The following PRKDC variants were observed in gnomAD, a reference collection of about 807,000 sequenced individuals.
The protein encoded by PRKDC is DNA-dependent protein kinase catalytic subunit.
PRKDC carries 82 observed loss-of-function variants against 486.9 expected under a neutral mutation model. The ratio of observed to expected loss-of-function variants is 0.17; its 90% CI spans 0.14 to 0.20. PRKDC has a LOEUF of 0.20. PRKDC is among the 10% of genes least tolerant of loss of function. PRKDC has a pLI of 1.00. For missense variants in PRKDC, 4,504 were observed against 5,038.2 expected (o/e 0.89, Z 3.21); for synonymous variants, 1,895 against 1,837.0 (o/e 1.03, Z -0.81).
Position 47,828,277 on chromosome 8 carries a change from A to C in PRKDC, c.8468T>G (p.Phe2823Cys). 2 of 1,611,176 alleles carry C rather than the reference A, an allele frequency of 1.2e-6. No homozygotes were observed. The highest frequency in any genetic ancestry group is 1.7e-6 in the Non-Finnish European group (2 of 1,178,662). ...FSGILKEMDK[F>C]KTLSEKNNIT... ...GTTGTTTTTTTCAGACAGTGTCTTA[A>C]ATTTATCCATCTCTTTCAAAATTCC... Residue 2823 changes from phenylalanine (F) to cysteine (C), a missense_variant, in exon 62 of 86, where the codon TTT (phenylalanine) becomes TGT (cysteine). By Grantham distance (205) the Phe-to-Cys change is radical. This residue lies in a region of PRKDC where 1,592 missense variants were observed against 1,724.6 expected (regional missense o/e 0.92). Transcript: ENST00000314191.
intron 22 of PRKDC, 100 bp from the exon 23 acceptor site, chr8:47,915,518 T>C (rs1393521595): frequency 1.2e-5 from 8 of 683,638 alleles, no homozygotes; most frequent in Non-Finnish European, 1.7e-5. Flanking sequence ...GGATGTCCAT[T>C]TCCTAGAACC....
intron 52 of PRKDC, among the ~76,000 whole-genome samples, 181 bp downstream of exon 52, chr8:47,852,492 C>G (rs2088431605): frequency 6.6e-6 from 1 of 152,156 alleles, no homozygotes; most frequent in Non-Finnish European, 1.5e-5. Flanking sequence ...ATCATGTGCC[C>G]TCTCTAAAAA....
chr8:47,934,038 C>G lies in PRKDC; in HGVS notation c.1550G>C (p.Gly517Ala). 6.2e-7 allele frequency: 1 copy of G among 1,613,786 alleles called. No homozygotes were observed. Among genetic ancestry groups the G allele is most frequent in the Non-Finnish European group, 8.5e-7 (1 of 1,179,782 alleles). ...TTTGTATGTGGGCACCTTCCATTTG[C>G]CAGTTCTGACTTCCCCTGAAGCACG... ...DHRASGEVRT[G>A]KWKVPTYKDY... The change falls in exon 15 of 86, where the codon GGC (glycine) becomes GCC (alanine). Residue 517 changes from glycine to alanine, a missense_variant. Physicochemically the swap from Gly to Ala is moderately conservative, Grantham distance 60. Transcript: ENST00000314191.
intron 26 of PRKDC, among the ~76,000 whole-genome samples, chr8:47,904,431 T>C (rs1326944817): frequency 6.6e-6 from 1 of 152,158 alleles, no homozygotes; most frequent in African/African-American, 2.4e-5. Context: ...TTTTTCTATT[T>C]TTAGTAGAGA....
intron 7 of PRKDC, among the ~76,000 whole-genome samples, chr8:47,949,839 G>A (rs1275639745): frequency 1.3e-5 from 2 of 152,154 alleles, no homozygotes; most frequent in Non-Finnish European, 2.9e-5. Context: ...GAAGGCATGG[G>A]TAGAAACATT....
intron 54 of PRKDC, among the ~76,000 whole-genome samples, chr8:47,842,023 C>A (rs2088158521): frequency 6.6e-6 from 1 of 152,216 alleles, no homozygotes; most frequent in African/African-American, 2.4e-5. Context: ...TACCAACAGA[C>A]CACCCAGAGA....
Position 47,817,580 on chromosome 8 carries a change from G to A in PRKDC, c.9446-19C>T. 2.8e-6 allele frequency: 4 copies of A among 1,449,166 alleles called. No homozygotes were observed. Among genetic ancestry groups the A allele is most frequent in the South Asian group, 1.2e-5 (1 of 83,436 alleles). The allele number at this position is 1,449,166 out of a possible 1,614,324, so 89.8% of individuals were successfully genotyped here. ...AAATTGCCTAAAAATAGTATTAGAG[G>A]GTGACTATACACACAGCTCAATTAT... On this transcript the variant is annotated intron_variant, in intron 67 of 85. Coordinates refer to ENST00000314191, the MANE Select transcript of PRKDC (RefSeq NM_006904.7).
rs755695409 is a variant in PRKDC at position 47,778,520 on chromosome 8, G to T, written c.11792C>A (p.Ala3931Asp). The change falls in exon 83 of 86, where the codon GCC becomes GAC. Residue 3931 changes from alanine (A) to aspartate (D), a missense_variant. Physicochemically the swap from Ala to Asp is moderately radical, Grantham distance 126. Transcript: ENST00000314191. ...CCCGATCACGCCGCCAGTCTCCATG[G>T]CCACCATAAAGTTGTTCAGATGTCT... is the stretch of plus-strand genomic sequence containing the variant. ...GDRHLNNFMV[A>D]METGGVIGID... 1 of 1,613,622 alleles carries T rather than the reference G, an allele frequency of 6.2e-7. No individual in the cohort carries two copies. Among genetic ancestry groups the T allele is most frequent in the African/African-American group, 1.3e-5 (1 of 74,916 alleles).
At chr8:47,778,307 A>C (rs1335224016) in intron 83 of PRKDC, among the ~76,000 whole-genome samples, 152 bp downstream of exon 83, 1 of 152,218 alleles carries the variant, frequency 6.6e-6, no homozygotes. Flanking sequence ...GGCTGAACTA[A>C]GTGATTATCC....
intron 61 of PRKDC, among the ~76,000 whole-genome samples, chr8:47,830,168 G>C (rs943285684): frequency 6.6e-6 from 1 of 152,280 alleles, no homozygotes; most frequent in East Asian, 1.9e-4. Context: ...ACCATAAAGA[G>C]ATAAGTCACT....
At chr8:47,884,582 T>A (rs959980863) in intron 36 of PRKDC, among the ~76,000 whole-genome samples, 1 of 152,224 alleles carries the variant, frequency 6.6e-6, no homozygotes, top group East Asian at 1.9e-4. Flanking sequence ...TCAGAGGTCA[T>A]AGTTTAAGAA....
intron 15 of PRKDC, 38 bp from the exon 16 acceptor site, chr8:47,933,210 T>C: frequency 7.1e-7 from 1 of 1,414,004 alleles, no homozygotes; most frequent in South Asian, 1.5e-5. Context: ...CAAAATCTTG[T>C]GCAAAAATGT....
intron 25 of PRKDC, among the ~76,000 whole-genome samples, chr8:47,905,969 T>C (rs1028734260): frequency 6.6e-6 from 1 of 152,124 alleles, no homozygotes; most frequent in East Asian, 1.9e-4. Context: ...GGTGTGACCA[T>C]GTGGCCATCT....
chr8:47,837,194 G>A lies in PRKDC; in HGVS notation c.7761+18C>T. On this transcript the variant is annotated intron_variant, in intron 57 of 85. Transcript: ENST00000314191. Reference sequence around the variant, plus strand: ...AAGCCTATAATATTCACTACTATGAGAGAGAAGACCACATTACCTGAAATT... The same window carrying A: ...AAGCCTATAATATTCACTACTATGAAAGAGAAGACCACATTACCTGAAATT... 1 of 1,597,076 alleles carries A rather than the reference G, an allele frequency of 6.3e-7. No individual in the cohort carries two copies. The highest frequency in any genetic ancestry group is 8.6e-7 in the Non-Finnish European group (1 of 1,166,014).
At chr8:47,829,707 A>C (rs1479183726) in intron 61 of PRKDC, among the ~76,000 whole-genome samples, 1 of 152,206 alleles carries the variant, frequency 6.6e-6, no homozygotes, top group Non-Finnish European at 1.5e-5. Context: ...CTAGGAATAC[A>C]CTTAACCAAG....
Position 47,864,776 on chromosome 8 carries a change from G to A in PRKDC, c.5364-13C>T. The A allele has an allele frequency of 6.5e-7, 1 of 1,543,830 alleles. No homozygotes were observed. Among genetic ancestry groups the A allele is most frequent in the Non-Finnish European group, 8.8e-7 (1 of 1,140,760 alleles). ...GACACATGAACCCCTAAGAAAACAA[G>A]ATAAAATTATATGAACATCCCTGCT... On this transcript the variant is annotated splice_polypyrimidine_tract_variant and intron_variant, in intron 40 of 85. Coordinates refer to ENST00000314191, the MANE Select transcript of PRKDC (RefSeq NM_006904.7).
At chr8:47,802,497 T>G (rs1231657602) in intron 70 of PRKDC, among the ~76,000 whole-genome samples, 17 of 149,226 alleles carry the variant, frequency 1.1e-4, no homozygotes, top group Admixed American at 9.3e-4. Flanking sequence ...TTTTTTTTTT[T>G]GAGAGACGGA....
chr8:47,799,951 T>C (rs529596006), intron 71 of PRKDC, among the ~76,000 whole-genome samples: 2 of 152,238 alleles, frequency 1.3e-5, no homozygotes, highest in East Asian at 3.9e-4. Context: ...TTAACAAAAG[T>C]CATAAAAGAA....
chr8:47,937,771 C>T (rs1563813154), intron 11 of PRKDC, among the ~76,000 whole-genome samples: 1 of 152,120 alleles, frequency 6.6e-6, no homozygotes, highest in African/African-American at 2.4e-5. Context: ...GTTTCTTCTG[C>T]CCTAAGCATA....
Sources: allele counts gnomAD v4.1 joint callset (sites outside exome capture counted in the v4.1 genomes callset), GRCh38; gene constraint gnomAD v4.1.1; regional missense constraint gnomAD v4.1.1; transcripts MANE v1.5; gene names NCBI Gene and HGNC (gene_info 2026-07-23, HGNC 2026-07-21).